Variants in CCDC33 observed in about 807,000 individuals in gnomAD.
CCDC33 encodes coiled-coil domain containing 33.
CCDC33 carries 94 observed loss-of-function variants against 91.9 expected under a neutral mutation model. The ratio of observed to expected loss-of-function variants is 1.02; its 90% CI spans 0.87 to 1.21. CCDC33 has a LOEUF of 1.21. Among genes scored for constraint, CCDC33 ranks in the 50% most tolerant of loss-of-function variants. CCDC33 has a pLI of 0.00. For synonymous variants in CCDC33, 396 were observed against 374.5 expected (o/e 1.06, Z -0.66); for missense variants, 940 against 935.5 (o/e 1.00, Z -0.06).
upstream of CCDC33, among the ~76,000 whole-genome samples, chr15:74,231,877 G>A (rs1189327619): frequency 2.0e-5 from 3 of 152,298 alleles, no homozygotes; most frequent in African/African-American, 4.8e-5. Flanking sequence ...TTAGCCGGGC[G>A]TGGTGGCATG....
chr15:74,204,940 AAAAG>A (rs1555458359), intron 1 of CCDC33, among the ~76,000 whole-genome samples: 12 of 151,738 alleles, frequency 7.9e-5, no homozygotes, highest in African/African-American at 1.2e-4. Flanking sequence ...ATCTCAAAAA[AAAAG>A]AAAGAAAGAA....
chr15:74,230,234 G>T (rs2074927456), intron 2 of CCDC33, among the ~76,000 whole-genome samples: 1 of 152,132 alleles, frequency 6.6e-6, no homozygotes, highest in Admixed American at 6.5e-5. Context: ...GGTCAGATTT[G>T]GAGGTTGGAA....
chr15:74,217,768 G>T (rs2074485270), intron 1 of CCDC33, among the ~76,000 whole-genome samples: 1 of 152,128 alleles, frequency 6.6e-6, no homozygotes, highest in Non-Finnish European at 1.5e-5. Context: ...GCCTCCTTCA[G>T]TGTGGCATGG....
At chr15:74,308,199 A>C (rs1460466823) in intron 11 of CCDC33, among the ~76,000 whole-genome samples, 1 of 152,092 alleles carries the variant, frequency 6.6e-6, no homozygotes, top group African/African-American at 2.4e-5. Flanking sequence ...CCTCTTGTCC[A>C]GGGCTAAAGG....
At chr15:74,219,097 G>A (rs2074522026) in intron 2 of CCDC33, among the ~76,000 whole-genome samples, 1 of 152,242 alleles carries the variant, frequency 6.6e-6, no homozygotes, top group African/African-American at 2.4e-5. Flanking sequence ...AGCCAACCAA[G>A]TGGGGTTTCT....
At chr15:74,205,425 G>A (rs10851870) in intron 1 of CCDC33, among the ~76,000 whole-genome samples, 61,862 of 151,872 alleles carry the variant, frequency 0.41, 13,019 homozygotes, top group South Asian at 0.6. Context: ...CTTGGCAAGA[G>A]AGGGAGCAGG....
At chr15:74,252,795 C>T (rs2075749508) in intron 2 of CCDC33, among the ~76,000 whole-genome samples, 1 of 152,180 alleles carries the variant, frequency 6.6e-6, no homozygotes, top group Non-Finnish European at 1.5e-5. Context: ...CTGCAGGGCC[C>T]CCACACCATG....
In CCDC33 at chr15:74,218,802, A is replaced by G. The variant is rs899819368; in HGVS notation, c.616A>G (p.Arg206Gly). The change falls in exon 2 of 3, where the codon AGG becomes GGG. Residue 206 changes from arginine (R) to glycine (G), a missense_variant. Physicochemically the swap from Arg to Gly is moderately radical, Grantham distance 125 (BLOSUM62 -2). Coordinates refer to the CCDC33 transcript ENST00000635913. This position sits in a 1 kb window ranked among gnomAD's most constrained non-coding sequence, Gnocchi z 4.8. ...GCCTCCAGTCTCAGACAGCCCTCCC[A>G]GGGCTGGCCAGCCAGAACTGATGTC... 7.8e-7 allele frequency: 1 copy of G among 1,284,250 alleles called. No homozygotes were observed. Among genetic ancestry groups the G allele is most frequent in the African/African-American group, 1.5e-5 (1 of 65,682 alleles). The allele number at this position is 1,284,250 out of a possible 1,614,324, so 79.6% of individuals were successfully genotyped here.
chr15:74,322,073 G>A (rs1445359877), intron 11 of CCDC33, among the ~76,000 whole-genome samples: 1 of 152,218 alleles, frequency 6.6e-6, no homozygotes, highest in Non-Finnish European at 1.5e-5. Flanking sequence ...GCTGAAAGAG[G>A]TGGAAATTCA....
intron 2 of CCDC33, 75 bp from the exon 3 acceptor site, chr15:74,262,365 C>T: frequency 6.3e-7 from 1 of 1,575,728 alleles, no homozygotes; most frequent in Middle Eastern, 1.7e-4. Context: ...GATTTATGGA[C>T]AGTGGAGCCT....
intron 1 of CCDC33, chr15:74,209,168 G>T: frequency 7.7e-7 from 1 of 1,291,072 alleles, no homozygotes; most frequent in Non-Finnish European, 1.0e-6. Flanking sequence ...CAGAGCAGGG[G>T]CTGGGGCCCC....
chr15:74,271,883 TC>T, intron 6 of CCDC33, 89 bp downstream of exon 6: 1 of 1,143,452 alleles, frequency 8.7e-7, no homozygotes, highest in Non-Finnish European at 1.3e-6. Context: ...ATGGGCTGAT[TC>T]CAGGACCTCC....
At chr15:74,241,798 T>A (rs1326579908) in intron 1 of CCDC33, among the ~76,000 whole-genome samples, 3 of 152,102 alleles carry the variant, frequency 2.0e-5, no homozygotes. Context: ...AAGGTGGAGC[T>A]GACAGGATCT....
At chr15:74,216,931 T>C (rs2074461492), upstream of CCDC33, among the ~76,000 whole-genome samples, 1 of 152,160 alleles carries the variant, frequency 6.6e-6, no homozygotes, top group Non-Finnish European at 1.5e-5. Context: ...TTTTTGTCTG[T>C]CTCTACCCAC....
At chr15:74,217,091 A>G (rs916574915), upstream of CCDC33, 7 of 305,844 alleles carry the variant, frequency 2.3e-5, no homozygotes, top group African/African-American at 1.5e-4. Context: ...GGATCGATGG[A>G]AAAAAACTTC....
At chr15:74,282,074 C>T (rs537493443) in intron 10 of CCDC33, among the ~76,000 whole-genome samples, 3 of 152,176 alleles carry the variant, frequency 2.0e-5, no homozygotes, top group South Asian at 2.1e-4. Flanking sequence ...TTGGAGTCAG[C>T]CTCTGACCAA....
chr15:74,243,104 G>A (rs2075399944), intron 1 of CCDC33, among the ~76,000 whole-genome samples: 1 of 152,224 alleles, frequency 6.6e-6, no homozygotes, highest in Non-Finnish European at 1.5e-5. Context: ...GTCCCTGCTT[G>A]GGGCAACTGG....
chr15:74,249,789 G>A (rs527506579), intron 2 of CCDC33, among the ~76,000 whole-genome samples: 31 of 152,234 alleles, frequency 2.0e-4, no homozygotes, highest in Admixed American at 1.7e-3. Flanking sequence ...CAATTTCGCT[G>A]TTCCCTGGGT....
chr15:74,261,103 G>T (rs1474737878), intron 2 of CCDC33, among the ~76,000 whole-genome samples: 1 of 152,178 alleles, frequency 6.6e-6, no homozygotes, highest in East Asian at 1.9e-4. Context: ...CCCAGCTGCA[G>T]GGTCCTTCTT....
Sources: allele counts gnomAD v4.1 joint callset (sites outside exome capture counted in the v4.1 genomes callset), GRCh38; gene constraint gnomAD v4.1.1; non-coding constraint Gnocchi (gnomAD v3.1); transcripts MANE v1.5; gene names NCBI Gene and HGNC (gene_info 2026-07-23, HGNC 2026-07-21).